The following CNBD1 variants were observed in gnomAD, a reference collection of about 807,000 sequenced individuals.
CNBD1 encodes cyclic nucleotide binding domain containing 1.
CNBD1 carries 71 observed loss-of-function variants against 54.4 expected under a neutral mutation model. The ratio of observed to expected loss-of-function variants is 1.30; its 90% CI spans 1.08 to 1.59. CNBD1 has a LOEUF of 1.59. CNBD1 is among the 40% of genes most tolerant of loss of function. The probability of loss-of-function intolerance (pLI) is 0.00; values close to 1 mark genes in which losing one functional copy is unlikely to be tolerated. For synonymous variants in CNBD1, 182 were observed against 170.7 expected, an observed-to-expected ratio of 1.07 and a Z score of -0.51; for missense variants, 659 against 518.0, an observed-to-expected ratio of 1.27 and a Z score of -2.64.
At chr8:87,063,545 A>G (rs1303215341) in intron 4 of CNBD1, among the ~76,000 whole-genome samples, 2 of 152,106 alleles carry the variant, frequency 1.3e-5, no homozygotes, top group African/African-American at 4.8e-5. Flanking sequence ...ATTAGGCTTG[A>G]TATCTGATAA....
At chr8:86,927,411 G>A (rs1244371658) in intron 3 of CNBD1, among the ~76,000 whole-genome samples, 1 of 152,072 alleles carries the variant, frequency 6.6e-6, no homozygotes, top group Non-Finnish European at 1.5e-5. Context: ...CAGGGAGAAG[G>A]TGATGATTTT....
chr8:87,170,510 A>G (rs1813063613), intron 4 of CNBD1, among the ~76,000 whole-genome samples: 1 of 138,664 alleles, frequency 7.2e-6, no homozygotes, highest in Non-Finnish European at 1.7e-5. Flanking sequence ...TCTTGGAGGA[A>G]AGGCTTGCAG....
intron 2 of CNBD1, among the ~76,000 whole-genome samples, chr8:87,425,850 G>C (rs1187704513): frequency 1.3e-5 from 2 of 152,084 alleles, no homozygotes; most frequent in Admixed American, 6.5e-5. Context: ...GCTCCACCCA[G>C]TTCGAGCTTC....
Position 87,254,570 on chromosome 8 carries a change from T to C in CNBD1, c.771+17458T>C, listed in dbSNP as rs1435209576. ...CATCAACTGAATATTCTTCTCAGTA[T>C]AGATATGCATGTAGAGGGATGGTGC... On this transcript the variant is annotated intron_variant, in intron 6 of 10. Coordinates refer to ENST00000518476, the MANE Select transcript of CNBD1 (RefSeq NM_173538.3). 2.6e-5 allele frequency among the ~76,000 whole-genome samples: 4 copies of C among 152,192 alleles called. No homozygotes were observed. The East Asian group carries it at 5.8e-4, about 22-fold the overall frequency.
At chr8:87,082,653 CTG>C (rs372062301) in intron 4 of CNBD1, among the ~76,000 whole-genome samples, 326 of 149,310 alleles carry the variant, frequency 2.2e-3, no homozygotes, top group South Asian at 3.4e-3. Context: ...CAACTGAACC[CTG>C]TGTGTGTGTG....
chr8:87,214,672 C>T (rs1814170625), intron 5 of CNBD1, among the ~76,000 whole-genome samples: 1 of 152,178 alleles, frequency 6.6e-6, no homozygotes, highest in Non-Finnish European at 1.5e-5. Context: ...ATTTAATAAA[C>T]TTATGGTTCC....
chr8:87,232,427 C>T (rs773388692), intron 5 of CNBD1, among the ~76,000 whole-genome samples: 8 of 152,092 alleles, frequency 5.3e-5, no homozygotes, highest in Non-Finnish European at 1.2e-4. Flanking sequence ...ACATCTATGC[C>T]AATATTTGAT....
In CNBD1 at chr8:87,045,380, C is replaced by T. The variant is rs564993545; in HGVS notation, c.431+105626C>T. Among the ~76,000 whole-genome samples, 7 of 152,232 alleles carry T rather than the reference C, an allele frequency of 4.6e-5. No homozygotes were observed. The East Asian group carries it at 1.4e-3, about 29-fold the overall frequency. ...AAGCCTGCTCTTTCTCTTAATGTGT[C>T]AATGATTCTAATTTGATTCTTAAGC... On this transcript the variant is annotated intron_variant, in intron 4 of 10. Transcript: ENST00000518476.
intron 4 of CNBD1, among the ~76,000 whole-genome samples, chr8:86,962,882 C>T (rs540077622): frequency 6.6e-6 from 1 of 152,144 alleles, no homozygotes; most frequent in Non-Finnish European, 1.5e-5. Context: ...TCTGGGTTCC[C>T]TTCCCCTGAG....
chr8:87,314,222 T>A (rs889389808), intron 8 of CNBD1, among the ~76,000 whole-genome samples: 2 of 151,866 alleles, frequency 1.3e-5, no homozygotes, highest in African/African-American at 4.8e-5. Context: ...AAAAATTCTA[T>A]TTGGAAACAT....
At chr8:87,420,449 C>T (rs1187733901) in intron 2 of CNBD1, among the ~76,000 whole-genome samples, 1 of 152,006 alleles carries the variant, frequency 6.6e-6, no homozygotes. Flanking sequence ...GGTATTTCTG[C>T]ACCCTGTTTG....
rs1485316304 is a variant in CNBD1 at position 86,887,595 on chromosome 8, A to G, written c.142A>G (p.Ile48Val). 1 of 1,582,196 alleles carries G rather than the reference A, an allele frequency of 6.3e-7. No homozygotes were observed. Among genetic ancestry groups the G allele is most frequent in the Non-Finnish European group, 8.6e-7 (1 of 1,161,718 alleles). ...TGGCCAGTTGAATGCATTATGCCAC[A>G]TTAGAGGACAACACAGGTAAGCTAT... is the stretch of plus-strand genomic sequence containing the variant. ...NYGQLNALCH[I>V]RGQHSRSMSN... is the part of the protein sequence containing the mutation. Residue 48 changes from isoleucine (I) to valine (V), a missense_variant, in exon 2 of 11, where the codon ATT (isoleucine) becomes GTT (valine). Coordinates refer to ENST00000518476, the MANE Select transcript of CNBD1 (RefSeq NM_173538.3).
chr8:87,003,122 A>G (rs1301058447), intron 4 of CNBD1, among the ~76,000 whole-genome samples: 1 of 152,154 alleles, frequency 6.6e-6, no homozygotes, highest in Non-Finnish European at 1.5e-5. Flanking sequence ...AAATAAAAGG[A>G]ATACTTTTAC....
chr8:87,109,274 C>T (rs930712388), intron 4 of CNBD1, among the ~76,000 whole-genome samples: 8 of 152,158 alleles, frequency 5.3e-5, no homozygotes, highest in Admixed American at 2.6e-4. Context: ...ACTATTTTGT[C>T]TTTAAATTTA....
chr8:86,918,259 A>G (rs759262044), intron 3 of CNBD1, among the ~76,000 whole-genome samples: 3 of 152,192 alleles, frequency 2.0e-5, no homozygotes, highest in Non-Finnish European at 2.9e-5. Flanking sequence ...TGCTTTCTTA[A>G]AGATGCATCA....
chr8:87,256,016 T>TACATA (rs1491444638), intron 6 of CNBD1, among the ~76,000 whole-genome samples: 7 of 12,142 alleles, frequency 5.8e-4, no homozygotes, highest in South Asian at 7.7e-3. Flanking sequence ...TATATATATA[T>TACATA]TTTTTTTTTT....
intron 6 of CNBD1, among the ~76,000 whole-genome samples, chr8:87,254,433 T>C: frequency 6.6e-6 from 1 of 152,338 alleles, no homozygotes; most frequent in South Asian, 2.1e-4. Context: ...ATAAGTATTA[T>C]AACATGATTA....
chr8:87,286,524 G>T lies in CNBD1; in HGVS notation c.910-15G>T. ...TGCCTGTTATTAAAAATTTGATAAT[G>T]ACATTCTGTTTTAGGAAAAAATAAA... is the stretch of plus-strand genomic sequence containing the variant. On this transcript the variant is annotated splice_polypyrimidine_tract_variant and intron_variant, in intron 7 of 10. Transcript: ENST00000518476. 3.0e-6 allele frequency: 4 copies of T among 1,346,228 alleles called. No homozygotes were observed. Among genetic ancestry groups the T allele is most frequent in the South Asian group, 1.3e-5 (1 of 75,716 alleles). 83.4% of individuals were successfully genotyped at this position (1,346,228 alleles called of 1,614,324 possible).
intron 4 of CNBD1, among the ~76,000 whole-genome samples, chr8:87,089,519 T>C (rs1046548944): frequency 5.9e-5 from 9 of 152,104 alleles, no homozygotes; most frequent in Non-Finnish European, 1.2e-4. Context: ...ATGGTTTGTC[T>C]GGATTTGTTG....
Sources: allele counts gnomAD v4.1 joint callset (sites outside exome capture counted in the v4.1 genomes callset), GRCh38; gene constraint gnomAD v4.1.1; transcripts MANE v1.5; gene names NCBI Gene and HGNC (gene_info 2026-07-23, HGNC 2026-07-21).